C16orf96: variants seen among roughly 807,000 people sequenced by gnomAD.
C16orf96 encodes the protein uncharacterized protein C16orf96.
Under a neutral mutation model 103.6 loss-of-function variants are expected in C16orf96, and 108 were observed. That is an observed-to-expected ratio of 1.04 (90% CI 0.89 to 1.22). The LOEUF (loss-of-function observed/expected upper bound fraction) is 1.22. Ranked by LOEUF, C16orf96 falls within the 50% of genes most tolerant of loss-of-function variation. C16orf96 has a pLI of 0.00. For missense variants in C16orf96, 1,586 were observed against 1,464.2 expected (o/e 1.08, Z -1.36); for synonymous variants, 566 against 593.5 (o/e 0.95, Z 0.67).
At chr16:4,546,798 G>C in the C16orf96 span, among the ~76,000 whole-genome samples, 29 of 152,070 alleles carry the variant, frequency 1.9e-4, no homozygotes, top group African/African-American at 5.3e-4. Flanking sequence ...ACAACCAAAT[G>C]TTCATCAACT....
chr16:4,559,817 A>G (rs556622896), intron 1 of C16orf96, among the ~76,000 whole-genome samples: 1 of 152,200 alleles, frequency 6.6e-6, no homozygotes, highest in African/African-American at 2.4e-5. Context: ...GGATTTGCCT[A>G]TTCTGGACAT....
chr16:4,542,928 C>T, the C16orf96 span, among the ~76,000 whole-genome samples: 1 of 152,140 alleles, frequency 6.6e-6, no homozygotes, highest in Non-Finnish European at 1.5e-5. Flanking sequence ...CCACATATGG[C>T]TTGTGGCTAC....
At chr16:4,586,954 A>G (rs1185164758) in intron 7 of C16orf96, 85 bp from the exon 8 acceptor site, 1 of 1,253,032 alleles carries the variant, frequency 8.0e-7, no homozygotes, top group Non-Finnish European at 1.1e-6. Flanking sequence ...CCTCCCCAGC[A>G]TATGGTAATG....
At chr16:4,585,623 C>G (rs1896907571) in intron 7 of C16orf96, among the ~76,000 whole-genome samples, 1 of 152,300 alleles carries the variant, frequency 6.6e-6, no homozygotes, top group Admixed American at 6.5e-5. Flanking sequence ...GATTCTGCCA[C>G]CTGCTGGTTG....
chr16:4,591,027 C>T (rs527310280), intron 9 of C16orf96, among the ~76,000 whole-genome samples: 8 of 144,994 alleles, frequency 5.5e-5, no homozygotes, highest in African/African-American at 2.1e-4. Flanking sequence ...AGCGAAACTC[C>T]CTCTCAAAAA....
chr16:4,559,727 C>G (rs1291251694), intron 1 of C16orf96, among the ~76,000 whole-genome samples: 1 of 152,076 alleles, frequency 6.6e-6, no homozygotes, highest in Admixed American at 6.6e-5. Context: ...TTCCATCACC[C>G]TGAAAGGAAA....
chr16:4,563,800 C>G (rs915751372), intron 1 of C16orf96, among the ~76,000 whole-genome samples: 2 of 148,914 alleles, frequency 1.3e-5, no homozygotes, highest in African/African-American at 4.9e-5. Context: ...AACTCCCGAG[C>G]TCAGGTGATC....
the C16orf96 span, among the ~76,000 whole-genome samples, chr16:4,549,386 T>G: frequency 1.4e-5 from 2 of 147,858 alleles, no homozygotes; most frequent in Non-Finnish European, 3.0e-5. Flanking sequence ...GGCAGGAGAA[T>G]GGCGTGAACC....
chr16:4,579,766 C>G (rs928373393), intron 6 of C16orf96, among the ~76,000 whole-genome samples: 1 of 152,094 alleles, frequency 6.6e-6, no homozygotes, highest in African/African-American at 2.4e-5. Flanking sequence ...GGCCCGCCAC[C>G]ACACCTGGCT....
At chr16:4,542,152 G>C in the C16orf96 span, among the ~76,000 whole-genome samples, 1 of 152,196 alleles carries the variant, frequency 6.6e-6, no homozygotes, top group Non-Finnish European at 1.5e-5. Flanking sequence ...TCAAGAGTTT[G>C]AGACTAGCCT....
intron 15 of C16orf96, among the ~76,000 whole-genome samples, chr16:4,599,741 G>A (rs913395955): frequency 3.9e-5 from 6 of 152,252 alleles, no homozygotes; most frequent in African/African-American, 1.4e-4. Flanking sequence ...GGCAGGCACT[G>A]TTTGCCCATT....
At position 4,574,727 on chromosome 16, in the gene C16orf96, G is replaced by A; in HGVS notation, c.544G>A (p.Asp182Asn). ...MLDKVHPERMDIFAEDFKIQN... is the reference protein window; with the variant it reads ...MLDKVHPERMNIFAEDFKIQN... ...TTGACAGGTACACCCAGAAAGAATGGACATCTTTGCTGAAGACTTCAAAAT... is the reference window on the plus strand; with the variant it reads ...TTGACAGGTACACCCAGAAAGAATGAACATCTTTGCTGAAGACTTCAAAAT... Residue 182 changes from aspartate (D) to asparagine (N), a missense_variant, in exon 3 of 16, where the codon GAC becomes AAC. Asp to Asn is a conservative substitution (Grantham distance 23, BLOSUM62 1). Coordinates refer to ENST00000444310, the MANE Select transcript of C16orf96 (RefSeq NM_001145011.2). The A allele has an allele frequency of 1.3e-6, 2 of 1,551,824 alleles. No homozygotes were observed. The highest frequency in any genetic ancestry group is 1.2e-5 in the South Asian group (1 of 84,064).
At chr16:4,547,331 T>G in the C16orf96 span, among the ~76,000 whole-genome samples, 9 of 152,178 alleles carry the variant, frequency 5.9e-5, no homozygotes, top group African/African-American at 2.2e-4. Context: ...GAGATGGGGT[T>G]TCACCTTGTT....
At chr16:4,581,688 G>C (rs1253568455) in intron 7 of C16orf96, among the ~76,000 whole-genome samples, 3 of 152,114 alleles carry the variant, frequency 2.0e-5, no homozygotes, top group East Asian at 3.9e-4. Flanking sequence ...TCATACCTGT[G>C]ATCCTAGTAC....
Position 4,574,954 on chromosome 16 carries a change from T to C in C16orf96, c.607-18T>C, listed in dbSNP as rs1026265919. 2 of 1,550,520 alleles carry C rather than the reference T, an allele frequency of 1.3e-6. No individual in the cohort carries two copies. Among genetic ancestry groups the C allele is most frequent in the Non-Finnish European group, 1.7e-6 (2 of 1,146,298 alleles). On this transcript the variant is annotated intron_variant, in intron 3 of 15. Transcript: ENST00000444310. ...CCCTCCAGGCTCACAGCCCTCATTT[T>C]CTACCCCCACCTTGCAGGCTTCTCT...
intron 7 of C16orf96, among the ~76,000 whole-genome samples, chr16:4,583,879 C>T (rs898737464): frequency 7.3e-6 from 1 of 136,532 alleles, no homozygotes; most frequent in Non-Finnish European, 1.5e-5. Flanking sequence ...GAGCCAAGAT[C>T]GCACCACTGC....
At chr16:4,587,649 T>A (rs1720168241) in intron 8 of C16orf96, among the ~76,000 whole-genome samples, 1 of 150,546 alleles carries the variant, frequency 6.6e-6, no homozygotes, top group African/African-American at 2.4e-5. Context: ...AAATCACACA[T>A]CAGCTGTGCA....
At chr16:4,546,210 G>A in the C16orf96 span, among the ~76,000 whole-genome samples, 1 of 149,320 alleles carries the variant, frequency 6.7e-6, no homozygotes, top group African/African-American at 2.5e-5. Context: ...CCAGGCTGGA[G>A]TGCAGTGGTG....
the C16orf96 span, among the ~76,000 whole-genome samples, chr16:4,548,073 G>C: frequency 5.9e-5 from 9 of 152,160 alleles, no homozygotes; most frequent in African/African-American, 1.9e-4. Flanking sequence ...TCTTAATAAA[G>C]CTGTTATCAG....
Sources: allele counts gnomAD v4.1 joint callset (sites outside exome capture counted in the v4.1 genomes callset), GRCh38; gene constraint gnomAD v4.1.1; transcripts MANE v1.5; gene names NCBI Gene and HGNC (gene_info 2026-07-23, HGNC 2026-07-21).